The following PARD3 variants were observed in gnomAD, a reference collection of about 807,000 sequenced individuals.
The protein encoded by PARD3 is partitioning defective 3 homolog.
In PARD3, 75 loss-of-function variants were observed where a neutral mutation model predicts 155.4. That is an observed-to-expected ratio of 0.48 (90% CI 0.40 to 0.58). The LOEUF is 0.58. PARD3 is among the 20% of genes least tolerant of loss of function. The pLI, the probability that PARD3 is intolerant of heterozygous loss-of-function variation, is 0.00. For missense variants in PARD3, 1,642 were observed against 1,721.7 expected (o/e 0.95, Z 0.82); for synonymous variants, 576 against 610.5 (o/e 0.94, Z 0.83).
At chr10:34,633,059 G>A (rs2092334656) in intron 2 of PARD3, among the ~76,000 whole-genome samples, 2 of 152,208 alleles carry the variant, frequency 1.3e-5, no homozygotes, top group African/African-American at 2.4e-5. Context: ...CTTGTATATT[G>A]ACAAGTTATC....
At chr10:34,455,455 C>T (rs566676365) in intron 4 of PARD3, among the ~76,000 whole-genome samples, 24 of 152,138 alleles carry the variant, frequency 1.6e-4, no homozygotes, top group African/African-American at 5.5e-4. Flanking sequence ...GATATCTAAT[C>T]TGAAATTAGG....
At chr10:34,730,870 G>A (rs1427069087) in intron 1 of PARD3, among the ~76,000 whole-genome samples, 2 of 152,192 alleles carry the variant, frequency 1.3e-5, no homozygotes, top group African/African-American at 4.8e-5. Flanking sequence ...GAGGATTCCA[G>A]CAGCCTTAAT....
intron 2 of PARD3, among the ~76,000 whole-genome samples, chr10:34,617,165 G>A (rs2091313086): frequency 6.6e-6 from 1 of 151,782 alleles, no homozygotes; most frequent in Non-Finnish European, 1.5e-5. Context: ...TGAGGGAGGA[G>A]AATCACTTGA....
chr10:34,598,197 T>C (rs2089462752), intron 2 of PARD3, among the ~76,000 whole-genome samples: 1 of 152,178 alleles, frequency 6.6e-6, no homozygotes, highest in Non-Finnish European at 1.5e-5. Flanking sequence ...AATTCTAGCA[T>C]GTTCTGAGGA....
At chr10:34,517,262 A>G (rs2081837194) in intron 2 of PARD3, 103 bp from the exon 3 acceptor site, 3 of 1,005,148 alleles carry the variant, frequency 3.0e-6, no homozygotes, top group Non-Finnish European at 4.3e-6. Flanking sequence ...AAATACTGAT[A>G]TAAATGACCC....
intron 20 of PARD3, among the ~76,000 whole-genome samples, chr10:34,294,628 T>C (rs1032599275): frequency 8.5e-5 from 13 of 152,234 alleles, no homozygotes; most frequent in African/African-American, 2.9e-4. Flanking sequence ...TTTTTATTTA[T>C]CTTTAAGTTA....
chr10:34,468,556 T>G (rs973892363), intron 4 of PARD3, among the ~76,000 whole-genome samples: 1 of 152,232 alleles, frequency 6.6e-6, no homozygotes, highest in African/African-American at 2.4e-5. Context: ...TTGGATAGTC[T>G]ACTGCAAGAT....
intron 2 of PARD3, among the ~76,000 whole-genome samples, chr10:34,607,900 A>G (rs1055048701): frequency 3.3e-5 from 5 of 152,210 alleles, no homozygotes; most frequent in Admixed American, 3.3e-4. Context: ...GCATCAGCAC[A>G]GATCTCCCAT....
chr10:34,805,550 T>C (rs1843269594), intron 1 of PARD3, among the ~76,000 whole-genome samples: 1 of 147,242 alleles, frequency 6.8e-6, no homozygotes, highest in Admixed American at 6.7e-5. Context: ...TGCATATATA[T>C]ATATATATAT....
chr10:34,795,898 A>AATAACATAACATAAC (rs151143590), intron 1 of PARD3, among the ~76,000 whole-genome samples: 18 of 151,644 alleles, frequency 1.2e-4, no homozygotes, highest in African/African-American at 3.4e-4. Flanking sequence ...CCATCTCAAA[A>AATAACATAACATAAC]ATAACATAAC....
At chr10:34,347,648 G>A (rs2134365771) in intron 15 of PARD3, among the ~76,000 whole-genome samples, 1 of 152,148 alleles carries the variant, frequency 6.6e-6, no homozygotes, top group Non-Finnish European at 1.5e-5. Flanking sequence ...TTTAAACATA[G>A]CTTCACATAT....
intron 22 of PARD3, among the ~76,000 whole-genome samples, chr10:34,244,538 A>G (rs17462570): frequency 0.068 from 10,330 of 152,294 alleles, 480 homozygotes; most frequent in Non-Finnish European, 0.096. Context: ...CACCAAGAAA[A>G]AAATGCAACG....
intron 22 of PARD3, among the ~76,000 whole-genome samples, chr10:34,228,750 A>T (rs940951803): frequency 7.9e-5 from 12 of 152,078 alleles, no homozygotes; most frequent in Non-Finnish European, 1.5e-5. Flanking sequence ...CGTGTTCAAC[A>T]AAATTACTTA....
intron 20 of PARD3, among the ~76,000 whole-genome samples, chr10:34,288,238 T>C (rs1428338305): frequency 6.6e-6 from 1 of 152,122 alleles, no homozygotes; most frequent in African/African-American, 2.4e-5. Flanking sequence ...TCAAGATGAA[T>C]GTATGAAAAT....
chr10:34,753,107 T>C (rs533376970), intron 1 of PARD3, among the ~76,000 whole-genome samples: 1 of 152,322 alleles, frequency 6.6e-6, no homozygotes, highest in African/African-American at 2.4e-5. Context: ...GGCCTCAGGA[T>C]TGGTCTGAAA....
At chr10:34,581,488 C>T (rs924922708) in intron 2 of PARD3, among the ~76,000 whole-genome samples, 1 of 152,082 alleles carries the variant, frequency 6.6e-6, no homozygotes, top group Non-Finnish European at 1.5e-5. Flanking sequence ...CCCACCTCGG[C>T]CTCCCAAAGT....
intron 22 of PARD3, among the ~76,000 whole-genome samples, chr10:34,260,955 C>G (rs184987499): frequency 6.6e-6 from 1 of 152,248 alleles, no homozygotes; most frequent in East Asian, 1.9e-4. Context: ...TCACAAAGGT[C>G]TTTTCTTTTA....
chr10:34,240,691 C>G (rs1468899143), intron 22 of PARD3, among the ~76,000 whole-genome samples: 1 of 152,086 alleles, frequency 6.6e-6, no homozygotes, highest in African/African-American at 2.4e-5. Context: ...GTTTTGCTTC[C>G]TGGTGGAGAT....
At chr10:34,307,377 G>A (rs1564568348) in intron 20 of PARD3, among the ~76,000 whole-genome samples, 1 of 152,112 alleles carries the variant, frequency 6.6e-6, no homozygotes. Flanking sequence ...CTGTGGGTAT[G>A]GGGAACACAA....
Sources: gnomAD v4.1 joint callset for allele counts (sites outside exome capture counted in the v4.1 genomes callset) on GRCh38, gnomAD v4.1.1 for gene constraint, MANE v1.5 for transcripts, NCBI Gene and HGNC (gene_info 2026-07-23, HGNC 2026-07-21) for gene names.